The following CTNND2 variants were observed in gnomAD, a reference collection of about 807,000 sequenced individuals.
The protein encoded by CTNND2 is catenin delta 2.
Under a neutral mutation model 144.4 loss-of-function variants are expected in CTNND2, and 22 were observed. That is an observed-to-expected ratio of 0.15 (90% CI 0.11 to 0.22). The LOEUF (loss-of-function observed/expected upper bound fraction) is 0.22. CTNND2 is among the 10% of genes least tolerant of loss of function. The pLI, the probability that CTNND2 is intolerant of heterozygous loss-of-function variation, is 1.00. For synonymous variants in CTNND2, 751 were observed against 695.6 expected, an observed-to-expected ratio of 1.08 and a Z score of -1.25; for missense variants, 1,353 against 1,618.8, an observed-to-expected ratio of 0.84 and a Z score of 2.82.
intron 3 of CTNND2, among the ~76,000 whole-genome samples, chr5:11,515,842 A>T (rs1418505845): frequency 7.2e-5 from 11 of 152,146 alleles, no homozygotes; most frequent in Admixed American, 7.2e-4. Flanking sequence ...TTCAGTTAAA[A>T]AATATTTACC....
intron 3 of CTNND2, among the ~76,000 whole-genome samples, chr5:11,539,897 G>A (rs779701276): frequency 1.3e-5 from 2 of 152,188 alleles, no homozygotes; most frequent in Non-Finnish European, 2.9e-5. Context: ...AGCTGGGCAT[G>A]GTGGTGGGCG....
At chr5:11,360,554 C>G (rs923779044) in intron 8 of CTNND2, among the ~76,000 whole-genome samples, 1 of 152,132 alleles carries the variant, frequency 6.6e-6, no homozygotes, top group African/African-American at 2.4e-5. Flanking sequence ...AGTGATCACA[C>G]TCATACCTTC....
intron 2 of CTNND2, among the ~76,000 whole-genome samples, chr5:11,702,879 C>T (rs1005473315): frequency 2.0e-5 from 3 of 152,216 alleles, no homozygotes; most frequent in African/African-American, 7.2e-5. Context: ...CAAACTGGGT[C>T]AAAGAGCCAA....
At chr5:11,128,774 T>C in intron 12 of CTNND2, among the ~76,000 whole-genome samples, 1 of 45,110 alleles carries the variant, frequency 2.2e-5, no homozygotes, top group Admixed American at 3.7e-4. Context: ...ATATATTATA[T>C]ATAAAATATA....
At chr5:11,114,352 A>G (rs1183237803) in intron 13 of CTNND2, among the ~76,000 whole-genome samples, 1 of 152,036 alleles carries the variant, frequency 6.6e-6, no homozygotes, top group African/African-American at 2.4e-5. Flanking sequence ...AGAAGCTAGA[A>G]GAAGAAGAGA....
intron 3 of CTNND2, among the ~76,000 whole-genome samples, chr5:11,462,133 A>G (rs554711610): frequency 5.3e-5 from 8 of 152,188 alleles, no homozygotes; most frequent in Non-Finnish European, 1.0e-4. Context: ...ACCCCACTAT[A>G]ATCCAGGGAT....
rs1256601202 is a variant in CTNND2 at position 11,364,828 on chromosome 5, G to T, written c.1240C>A (p.Gln414Lys). 6.2e-7 allele frequency: 1 copy of T among 1,613,758 alleles called. No homozygotes were observed. The highest frequency in any genetic ancestry group is 1.3e-5 in the African/African-American group (1 of 75,018). Residue 414 changes from glutamine to lysine, a missense_variant, in exon 8 of 22, where the codon CAG becomes AAG. Around this residue, in one of 4 missense-constraint regions of CTNND2, gnomAD observed 708 missense variants for 706.4 expected, o/e 1.00. Transcript: ENST00000304623. ...GGATCTATGTGGTGTTCTGGGGACT[G>T]CAGGGCCCGCAACTCTGGGCCCAGG... ...GHLGPELRAL[Q>K]SPEHHIDPIY...
chr5:11,570,038 T>A (rs1777436809), intron 2 of CTNND2, among the ~76,000 whole-genome samples: 2 of 152,250 alleles, frequency 1.3e-5, no homozygotes, highest in South Asian at 4.1e-4. Flanking sequence ...TTGCACAGTT[T>A]CATTTCCATT....
At chr5:11,528,466 T>C (rs1773461588) in intron 3 of CTNND2, among the ~76,000 whole-genome samples, 1 of 152,120 alleles carries the variant, frequency 6.6e-6, no homozygotes, top group Admixed American at 6.5e-5. Flanking sequence ...TCGTCCTCCA[T>C]GTCATGGAGT....
intron 9 of CTNND2, among the ~76,000 whole-genome samples, chr5:11,285,506 A>G (rs1397368946): frequency 6.6e-6 from 1 of 152,190 alleles, no homozygotes; most frequent in Non-Finnish European, 1.5e-5. Context: ...AAAGTGTATG[A>G]ATACTAGTGA....
Position 11,141,627 on chromosome 5 carries a change from G to T in CTNND2, c.2159+17949C>A, listed in dbSNP as rs539847314. On this transcript the variant is annotated intron_variant, in intron 12 of 21. Transcript: ENST00000304623. ...CAGGCAGCCGTGCAAGCTGGCAAAG[G>T]GAGAAAAAACTGTTTAGGGATAGGA... Among the ~76,000 whole-genome samples, 4 of 152,238 alleles carry T rather than the reference G, an allele frequency of 2.6e-5. No homozygotes were observed. The South Asian group carries it at 8.3e-4, about 32-fold the overall frequency.
intron 1 of CTNND2, among the ~76,000 whole-genome samples, chr5:11,762,452 A>G (rs1344613927): frequency 6.6e-6 from 1 of 152,206 alleles, no homozygotes; most frequent in African/African-American, 2.4e-5. Context: ...CCTGGCACAA[A>G]ATAGACCTCA....
chr5:11,212,660 C>T (rs962252545), intron 10 of CTNND2, among the ~76,000 whole-genome samples: 1 of 152,198 alleles, frequency 6.6e-6, no homozygotes, highest in South Asian at 2.1e-4. Flanking sequence ...GAGCGTGGCA[C>T]GTTTCTAGAG....
intron 9 of CTNND2, among the ~76,000 whole-genome samples, chr5:11,303,977 C>T (rs775663701): frequency 1.9e-4 from 29 of 152,058 alleles, no homozygotes; most frequent in Non-Finnish European, 3.8e-4. Flanking sequence ...TAAGGAAAAA[C>T]CCCTTTCGCT....
At position 11,354,122 on chromosome 5, in the gene CTNND2, G is replaced by C. The variant is rs550679024; in HGVS notation, c.1373-7495C>G. ...CAATCTCTAGAGAGCCAGATGAGAAGAGATGCATTATTCATGTGGTTTCAC... is the reference window on the plus strand; with the variant it reads ...CAATCTCTAGAGAGCCAGATGAGAACAGATGCATTATTCATGTGGTTTCAC... On this transcript the variant is annotated intron_variant, in intron 8 of 21. Transcript: ENST00000304623. Among the ~76,000 whole-genome samples the C allele has an allele frequency of 2.0e-5, 3 of 152,300 alleles. No individual in the cohort carries two copies. The South Asian group carries it at 6.2e-4, about 32-fold the overall frequency.
chr5:11,369,626 G>C (rs1236916559), intron 7 of CTNND2, among the ~76,000 whole-genome samples: 1 of 152,212 alleles, frequency 6.6e-6, no homozygotes, highest in East Asian at 1.9e-4. Flanking sequence ...GAACCTCCAG[G>C]AGTTGAGGAT....
At chr5:11,760,451 C>A (rs961207868) in intron 1 of CTNND2, among the ~76,000 whole-genome samples, 4 of 152,110 alleles carry the variant, frequency 2.6e-5, no homozygotes, top group Non-Finnish European at 4.4e-5. Context: ...ATATGTAAGA[C>A]AATGAGACAT....
chr5:11,521,391 G>A (rs56317393), intron 3 of CTNND2, among the ~76,000 whole-genome samples: 13,468 of 152,108 alleles, frequency 0.089, 693 homozygotes, highest in African/African-American at 0.14. Flanking sequence ...CTCACAAAGG[G>A]TTAGTGATAG....
chr5:11,023,064 G>A (rs1561186822), intron 16 of CTNND2, 85 bp from the exon 17 acceptor site: 6 of 1,223,882 alleles, frequency 4.9e-6, no homozygotes, highest in Admixed American at 1.8e-5. Context: ...GGGGAGAAGA[G>A]AATACGAGAG....
Sources: gnomAD v4.1 joint callset for allele counts (sites outside exome capture counted in the v4.1 genomes callset) on GRCh38, gnomAD v4.1.1 for gene constraint, gnomAD v4.1.1 regional missense constraint, MANE v1.5 for transcripts, NCBI Gene and HGNC (gene_info 2026-07-23, HGNC 2026-07-21) for gene names.